FBXO38: variants seen among roughly 807,000 people sequenced by gnomAD.
The protein encoded by FBXO38 is F-box only protein 38.
FBXO38 carries 53 observed loss-of-function variants against 131.9 expected under a neutral mutation model. That is an observed-to-expected ratio of 0.40 (90% CI 0.32 to 0.51). The LOEUF is 0.51. Ranked by LOEUF, FBXO38 falls within the 20% of genes least tolerant of loss-of-function variation. The probability of loss-of-function intolerance (pLI) is 0.53; values close to 1 mark genes in which losing one functional copy is unlikely to be tolerated. For synonymous variants in FBXO38, 452 were observed against 505.6 expected (o/e 0.89, Z 1.42); for missense variants, 1,076 against 1,475.6 (o/e 0.73, Z 4.44).
chr5:148,390,718 CAAT>C (rs974895144), intron 1 of FBXO38, among the ~76,000 whole-genome samples: 5 of 152,080 alleles, frequency 3.3e-5, no homozygotes, highest in East Asian at 1.9e-4. Flanking sequence ...TTTATAAACT[CAAT>C]GATATTTAAG....
Position 148,410,789 on chromosome 5 carries a change from C to T in FBXO38, c.1093+24C>T, listed in dbSNP as rs371267020. On this transcript the variant is annotated intron_variant, in intron 9 of 21. Coordinates refer to ENST00000340253, the MANE Select transcript of FBXO38 (RefSeq NM_205836.3). Reference sequence around the variant, plus strand: ...GAGTAAGATTTATCCCATTTTAATTCCTAGAATTACTGTAAGAAATTTACT... The same window carrying T: ...GAGTAAGATTTATCCCATTTTAATTTCTAGAATTACTGTAAGAAATTTACT... The T allele has an allele frequency of 1.6e-4, 255 of 1,575,850 alleles. 3 individuals are homozygous for T. The South Asian group carries it at 2.3e-3, about 14-fold the overall frequency.
intron 5 of FBXO38, among the ~76,000 whole-genome samples, chr5:148,403,869 C>T (rs1752297660): frequency 6.6e-6 from 1 of 152,124 alleles, no homozygotes; most frequent in African/African-American, 2.4e-5. Context: ...TGTTAAATGC[C>T]ATCATCCTGG....
chr5:148,384,855 G>A (rs1757827128), intron 1 of FBXO38: 1 of 152,196 alleles, frequency 6.6e-6, no homozygotes, highest in African/African-American at 2.4e-5. Context: ...AACCAGCAGT[G>A]TAAATCACTA....
intron 3 of FBXO38, chr5:148,399,453 A>C: frequency 4.9e-6 from 1 of 204,986 alleles, no homozygotes; most frequent in Non-Finnish European, 9.8e-6. Flanking sequence ...TGTGTCCTTT[A>C]CTGTCTGATG....
intron 5 of FBXO38, among the ~76,000 whole-genome samples, chr5:148,403,600 A>T (rs907310743): frequency 6.6e-6 from 1 of 152,094 alleles, no homozygotes; most frequent in Non-Finnish European, 1.5e-5. Context: ...CTTTTGTCTC[A>T]TCCTTAATTT....
chr5:148,435,631 A>G (rs1471683495), intron 17 of FBXO38, among the ~76,000 whole-genome samples: 7 of 151,964 alleles, frequency 4.6e-5, no homozygotes, highest in South Asian at 4.2e-4. Flanking sequence ...TTAGCCGGGC[A>G]TGGTGGCGGG....
intron 19 of FBXO38, 53 bp from the exon 20 acceptor site, chr5:148,440,371 A>G (rs751689249): frequency 2.1e-5 from 23 of 1,095,180 alleles, no homozygotes; most frequent in South Asian, 7.7e-5. Context: ...CCTACCCGAC[A>G]CTAATTATTT....
intron 12 of FBXO38, among the ~76,000 whole-genome samples, chr5:148,422,275 A>G (rs555475747): frequency 3.9e-5 from 6 of 152,160 alleles, no homozygotes; most frequent in Non-Finnish European, 8.8e-5. Flanking sequence ...CTCATCTTGT[A>G]CTACTTCCAC....
chr5:148,439,907 C>G (rs760287298), intron 19 of FBXO38, 115 bp downstream of exon 19: 14 of 1,032,308 alleles, frequency 1.4e-5, no homozygotes, highest in Non-Finnish European at 2.0e-5. Context: ...GCTTTTCAAA[C>G]AAGCTTATCC....
rs755846146 is a variant in FBXO38, at chr5:148,427,484, G to T, written c.2190G>T (p.Thr730=). Residue 730 remains threonine, a synonymous_variant, in exon 15 of 22, where the codon ACG becomes ACT. Transcript: ENST00000340253. Reference sequence around the variant, plus strand: ...CTCAAAGCCCCGACTTTGTAAGGACGGTGAACAGCGGCGGCTCTTCCGAGC... The same window carrying T: ...CTCAAAGCCCCGACTTTGTAAGGACTGTGAACAGCGGCGGCTCTTCCGAGC... ...TASQSPDFVR[T]VNSGGSSEPS... is the part of the protein sequence containing the mutation. The T allele has an allele frequency of 3.1e-6, 5 of 1,614,208 alleles. No homozygotes were observed. In the South Asian group the frequency reaches 5.5e-5, roughly 18 times the overall value.
chr5:148,393,427 C>T (rs1022884499), intron 1 of FBXO38, among the ~76,000 whole-genome samples: 2 of 152,082 alleles, frequency 1.3e-5, no homozygotes, highest in Non-Finnish European at 2.9e-5. Context: ...ACCCTCTGCC[C>T]ACCAGGTGCC....
At chr5:148,394,328 C>G (rs1226835501) in intron 1 of FBXO38, among the ~76,000 whole-genome samples, 1 of 152,078 alleles carries the variant, frequency 6.6e-6, no homozygotes, top group African/African-American at 2.4e-5. Context: ...TAGAAAGAAC[C>G]ACAAGCTCCT....
intron 7 of FBXO38, among the ~76,000 whole-genome samples, chr5:148,407,662 C>T (rs1304541045): frequency 6.6e-6 from 1 of 151,732 alleles, no homozygotes; most frequent in Non-Finnish European, 1.5e-5. Flanking sequence ...CAGTGGCCCA[C>T]GCCTGTAATC....
At chr5:148,417,276 G>T (rs1166291342) in intron 12 of FBXO38, 72 bp downstream of exon 12, 2 of 1,109,824 alleles carry the variant, frequency 1.8e-6, no homozygotes, top group African/African-American at 1.5e-5. Context: ...GCTTTATCCT[G>T]TTCCCTTTTT....
chr5:148,393,841 A>T (rs1758340434), intron 1 of FBXO38, among the ~76,000 whole-genome samples: 1 of 152,138 alleles, frequency 6.6e-6, no homozygotes, highest in South Asian at 2.1e-4. Context: ...TATCTGTACC[A>T]ACATTATTAA....
chr5:148,397,060 G>A (rs534288698), intron 2 of FBXO38, among the ~76,000 whole-genome samples: 24 of 152,260 alleles, frequency 1.6e-4, no homozygotes, highest in African/African-American at 5.8e-4. Context: ...CATGAACTTA[G>A]TTCTTGAACT....
At chr5:148,403,192 C>T (rs533255095) in intron 5 of FBXO38, among the ~76,000 whole-genome samples, 1 of 152,152 alleles carries the variant, frequency 6.6e-6, no homozygotes, top group African/African-American at 2.4e-5. Context: ...AGGTCAAAGA[C>T]TTATTTCCAT....
chr5:148,418,277 C>A (rs973543394), intron 12 of FBXO38, among the ~76,000 whole-genome samples: 4 of 152,136 alleles, frequency 2.6e-5, no homozygotes, highest in African/African-American at 9.7e-5. Flanking sequence ...TTTCTCCTAC[C>A]TCATTTTCCT....
At chr5:148,425,159 A>G (rs1561537456) in intron 13 of FBXO38, among the ~76,000 whole-genome samples, 1 of 152,220 alleles carries the variant, frequency 6.6e-6, no homozygotes. Flanking sequence ...GAGAAAATAT[A>G]TAGCTTAGTT....
Sources: gnomAD v4.1 joint callset for allele counts (sites outside exome capture counted in the v4.1 genomes callset) on GRCh38, gnomAD v4.1.1 for gene constraint, MANE v1.5 for transcripts, NCBI Gene and HGNC (gene_info 2026-07-23, HGNC 2026-07-21) for gene names.